The following GALNT8 variants were observed in gnomAD, a reference collection of about 807,000 sequenced individuals.
The protein encoded by GALNT8 is probable polypeptide N-acetylgalactosaminyltransferase 8.
Under a neutral mutation model 62.7 loss-of-function variants are expected in GALNT8, and 66 were observed. That is an observed-to-expected ratio of 1.05 (90% confidence interval 0.86 to 1.29). GALNT8 has a LOEUF of 1.29. Ranked by LOEUF, GALNT8 falls within the 50% of genes most tolerant of loss-of-function variation. GALNT8 has a pLI of 0.00. For synonymous variants in GALNT8, 288 were observed against 294.3 expected (o/e 0.98, Z 0.22); for missense variants, 771 against 791.8 (o/e 0.97, Z 0.32).
chr12:4,771,857 A>G (rs1327439891), intron 10 of GALNT8, among the ~76,000 whole-genome samples: 1 of 152,214 alleles, frequency 6.6e-6, no homozygotes, highest in East Asian at 1.9e-4. Flanking sequence ...AATTTGCCCA[A>G]GCCCACACGG....
Position 4,739,334 on chromosome 12 carries a change from GCAAC to G in GALNT8, c.676+6_676+9del, listed in dbSNP as rs775958160. ...TGGATGATTTCAGCTCAAATGGTGA[GCAAC>G]GTGATCAAAGAATAATTGTAAAAAT... On this transcript the variant is annotated splice_donor_region_variant and intron_variant, in intron 3 of 10. Transcript: ENST00000252318. 21 of 1,608,922 alleles carry G rather than the reference GCAAC, an allele frequency of 1.3e-5. No homozygotes were observed. Among genetic ancestry groups the G allele is most frequent in the African/African-American group, 2.7e-5 (2 of 74,754 alleles).
In GALNT8 at chr12:4,746,259, G is replaced by A. The variant is rs202085967; in HGVS notation, c.1173+1G>A. On this transcript the variant is annotated splice_donor_variant, in intron 6 of 10. Coordinates refer to ENST00000252318, the MANE Select transcript of GALNT8 (RefSeq NM_017417.2). LOFTEE classifies it high-confidence loss of function. ...AGAGAACGTGGAGCTTAGCCTGAGGGTGGGTACATTTCCCTTTTCTTTATG... is the reference window on the plus strand; with the variant it reads ...AGAGAACGTGGAGCTTAGCCTGAGGATGGGTACATTTCCCTTTTCTTTATG... 2.0e-6 allele frequency: 3 copies of A among 1,526,922 alleles called. No individual in the cohort carries two copies. Among genetic ancestry groups the A allele is most frequent in the Non-Finnish European group, 2.7e-6 (3 of 1,100,288 alleles). 94.6% of individuals were successfully genotyped at this position (1,526,922 alleles called of 1,614,324 possible).
intron 10 of GALNT8, among the ~76,000 whole-genome samples, chr12:4,769,723 A>G (rs1457526374): frequency 6.6e-6 from 1 of 151,566 alleles, no homozygotes; most frequent in Non-Finnish European, 1.5e-5. Context: ...TTTAAAATAT[A>G]TTTTCTATAA....
At position 4,730,893 on chromosome 12, in the gene GALNT8, C is replaced by G. The variant is rs1428552087; in HGVS notation, c.509+4064C>G. Among the ~76,000 whole-genome samples, 3 of 141,960 alleles carry G rather than the reference C, an allele frequency of 2.1e-5. No individual in the cohort carries two copies. The East Asian group carries it at 6.1e-4, about 29-fold the overall frequency. The allele number at this position is 141,960 out of a possible 152,430, so 93.1% of individuals were successfully genotyped here. A position where few individuals can be genotyped will look rare whatever the true frequency, so the allele number is the denominator to read the frequency against. On this transcript the variant is annotated intron_variant, in intron 2 of 10. Coordinates refer to ENST00000252318, the MANE Select transcript of GALNT8 (RefSeq NM_017417.2). ...TTTTTTTTTTTTTTTGAGACGGAGTCTCTCTCTGTCGCCCAGCAATCTCGG... is the reference window on the plus strand; with the variant it reads ...TTTTTTTTTTTTTTTGAGACGGAGTGTCTCTCTGTCGCCCAGCAATCTCGG...
chr12:4,750,821 C>A (rs1201551635), intron 6 of GALNT8, among the ~76,000 whole-genome samples: 9 of 152,122 alleles, frequency 5.9e-5, no homozygotes, highest in Admixed American at 2.6e-4. Flanking sequence ...TTCTTCACAA[C>A]CTTGCCAGCA....
chr12:4,737,771 G>T (rs1355277500), intron 2 of GALNT8, among the ~76,000 whole-genome samples: 1 of 152,164 alleles, frequency 6.6e-6, no homozygotes, highest in Non-Finnish European at 1.5e-5. Context: ...ATGAGAGGGG[G>T]TTTGTTATCA....
At chr12:4,756,286 A>G (rs767350272) in intron 6 of GALNT8, among the ~76,000 whole-genome samples, 1 of 152,192 alleles carries the variant, frequency 6.6e-6, no homozygotes, top group Non-Finnish European at 1.5e-5. Flanking sequence ...AAAAGAGGCA[A>G]TGGAAAGTAG....
At chr12:4,764,171 A>G (rs940293814) in intron 9 of GALNT8, 124 bp downstream of exon 9, 8 of 712,530 alleles carry the variant, frequency 1.1e-5, no homozygotes, top group Non-Finnish European at 1.3e-5. Context: ...CATCCTGGGT[A>G]AGGGTGAAAT....
At chr12:4,728,197 T>A (rs1016248471) in intron 2 of GALNT8, among the ~76,000 whole-genome samples, 3 of 109,920 alleles carry the variant, frequency 2.7e-5, no homozygotes, top group Admixed American at 1.0e-4. Context: ...GACGTTCTTT[T>A]AAAAAAAAAT....
intron 2 of GALNT8, among the ~76,000 whole-genome samples, chr12:4,731,243 TTAAG>T (rs1565382587): frequency 6.6e-6 from 1 of 152,216 alleles, no homozygotes. Context: ...TTCATAAGTA[TTAAG>T]TGTTTGTATA....
chr12:4,728,149 C>T lies in GALNT8; in HGVS notation c.509+1320C>T, dbSNP rs532909067. ...GGGACATCTTTTCATGTGCTATTGG[C>T]CATATGTATGTCTTCTTTGGAGAAA... On this transcript the variant is annotated intron_variant, in intron 2 of 10. Transcript: ENST00000252318. Among the ~76,000 whole-genome samples the T allele has an allele frequency of 1.1e-4, 16 of 151,802 alleles. 1 individual carries two copies. In the South Asian group the frequency reaches 3.1e-3, roughly 30 times the overall value.
chr12:4,743,962 A>G (rs1161335990), intron 3 of GALNT8, among the ~76,000 whole-genome samples: 1 of 152,236 alleles, frequency 6.6e-6, no homozygotes, highest in African/African-American at 2.4e-5. Context: ...TAAACAATCT[A>G]GGAATAGTGA....
chr12:4,753,538 C>A (rs1216331228), intron 6 of GALNT8, among the ~76,000 whole-genome samples: 1 of 152,158 alleles, frequency 6.6e-6, no homozygotes, highest in Non-Finnish European at 1.5e-5. Context: ...TTATTTCCAT[C>A]TCATTGTTAA....
rs148219212 is a variant in GALNT8, at chr12:4,751,035, C to T, written c.1173+4777C>T. On this transcript the variant is annotated intron_variant, in intron 6 of 10. Transcript: ENST00000252318. Reference sequence around the variant, plus strand: ...AAAAACAAGCAATGGGGAAAGGATTCCCTATTCAATAAATGGTGCTGGGAT... The same window carrying T: ...AAAAACAAGCAATGGGGAAAGGATTTCCTATTCAATAAATGGTGCTGGGAT... Among the ~76,000 whole-genome samples, 855 of 152,198 alleles carry T rather than the reference C, an allele frequency of 5.6e-3. 12 individuals carry two copies. Among genetic ancestry groups the T allele is most frequent in the African/African-American group, 0.02 (811 of 41,536 alleles).
chr12:4,733,289 G>C (rs977245164), intron 2 of GALNT8, among the ~76,000 whole-genome samples: 2 of 152,196 alleles, frequency 1.3e-5, no homozygotes, highest in African/African-American at 4.8e-5. Context: ...GGACAGTGCT[G>C]GTCTACACAT....
intron 2 of GALNT8, among the ~76,000 whole-genome samples, chr12:4,728,663 G>A (rs2137519659): frequency 6.6e-6 from 1 of 152,174 alleles, no homozygotes; most frequent in East Asian, 1.9e-4. Flanking sequence ...AAATCAATTG[G>A]TGATAAATGT....
chr12:4,724,188 A>G (rs1946184455), intron 1 of GALNT8, among the ~76,000 whole-genome samples: 1 of 151,602 alleles, frequency 6.6e-6, no homozygotes, highest in Non-Finnish European at 1.5e-5. Context: ...AGAAGTCAAT[A>G]AGGATACTTA....
chr12:4,721,789 C>T lies in GALNT8; in HGVS notation c.211+901C>T, dbSNP rs12317324. On this transcript the variant is annotated intron_variant, in intron 1 of 10. Transcript: ENST00000252318. ...CTCAGCACAGACCCTTTACGGGTGT[C>T]GGGCTGGGGGACAGTCAGGTCTTTC... Among the ~76,000 whole-genome samples the T allele has an allele frequency of 6.4e-3, 973 of 152,168 alleles. 6 individuals carry two copies. The highest frequency in any genetic ancestry group is 0.022 in the African/African-American group (916 of 41,510).
intron 2 of GALNT8, among the ~76,000 whole-genome samples, chr12:4,729,425 C>A (rs753634450): frequency 7.9e-5 from 12 of 152,132 alleles, no homozygotes; most frequent in Non-Finnish European, 1.8e-4. Context: ...TCTCTAACCC[C>A]TCTTCGCCCA....
Sources: allele counts gnomAD v4.1 joint callset (sites outside exome capture counted in the v4.1 genomes callset), GRCh38; gene constraint gnomAD v4.1.1; transcripts MANE v1.5; gene names NCBI Gene and HGNC (gene_info 2026-07-23, HGNC 2026-07-21).